The following NTN1 variants were observed in gnomAD, a reference collection of about 807,000 sequenced individuals.
The protein encoded by NTN1 is netrin-1.
NTN1 carries 11 observed loss-of-function variants against 54.2 expected under a neutral mutation model. The ratio of observed to expected loss-of-function variants is 0.20; its 90% CI spans 0.13 to 0.34. The LOEUF is 0.34. Among genes scored for constraint, NTN1 ranks in the 10% least tolerant of loss-of-function variants. The pLI is 1.00. For synonymous variants in NTN1, 371 were observed against 382.0 expected (o/e 0.97, Z 0.33); for missense variants, 740 against 893.1 (o/e 0.83, Z 2.18).
At chr17:9,027,392 C>T (rs2091874719) in intron 2 of NTN1, among the ~76,000 whole-genome samples, 2 of 152,112 alleles carry the variant, frequency 1.3e-5, no homozygotes, top group Admixed American at 6.5e-5. Context: ...AAACCATGGC[C>T]TAGAGACATT....
At chr17:9,049,559 T>G (rs1191697978) in intron 2 of NTN1, among the ~76,000 whole-genome samples, 1 of 152,244 alleles carries the variant, frequency 6.6e-6, no homozygotes, top group African/African-American at 2.4e-5. Context: ...CTAACCTGAA[T>G]TTAATTTTGA....
At chr17:9,148,440 TA>T (rs113551899) in intron 2 of NTN1, among the ~76,000 whole-genome samples, 4,490 of 151,950 alleles carry the variant, frequency 0.03, 97 homozygotes, top group African/African-American at 0.066. Context: ...TGGCTGTTGA[TA>T]AAAAAAACCG....
intron 2 of NTN1, among the ~76,000 whole-genome samples, chr17:9,093,627 A>G (rs1169860439): frequency 2.0e-5 from 3 of 152,234 alleles, no homozygotes; most frequent in Non-Finnish European, 4.4e-5. Context: ...CTCAAAGTGT[A>G]GGATTACAGG....
At chr17:9,187,198 G>C (rs2092435950) in intron 5 of NTN1, among the ~76,000 whole-genome samples, 1 of 152,180 alleles carries the variant, frequency 6.6e-6, no homozygotes, top group Admixed American at 6.5e-5. Context: ...AGAAAGGCGG[G>C]ATTGGGGTGG....
At chr17:9,029,731 C>T (rs1306434148) in intron 2 of NTN1, among the ~76,000 whole-genome samples, 5 of 152,196 alleles carry the variant, frequency 3.3e-5, no homozygotes, top group Admixed American at 2.6e-4. Flanking sequence ...CGGTGGCTCA[C>T]GCCTGTAATC....
intron 2 of NTN1, among the ~76,000 whole-genome samples, chr17:9,067,872 C>A (rs757888790): frequency 6.6e-6 from 1 of 152,154 alleles, no homozygotes; most frequent in Non-Finnish European, 1.5e-5. Context: ...GTGCTAGAAG[C>A]CTCTGGTGCA....
chr17:9,028,527 C>T (rs1194185706), intron 2 of NTN1, among the ~76,000 whole-genome samples: 1 of 152,178 alleles, frequency 6.6e-6, no homozygotes, highest in East Asian at 1.9e-4. Context: ...GCCCAGTTTT[C>T]TCTCTGACCT....
At chr17:9,081,113 G>T (rs528722574) in intron 2 of NTN1, among the ~76,000 whole-genome samples, 1 of 152,238 alleles carries the variant, frequency 6.6e-6, no homozygotes, top group East Asian at 1.9e-4. Flanking sequence ...AGTCTTATGC[G>T]ACTGAGCCCT....
At chr17:9,167,142 A>G (rs1303525329) in intron 3 of NTN1, among the ~76,000 whole-genome samples, 2 of 152,158 alleles carry the variant, frequency 1.3e-5, no homozygotes, top group Non-Finnish European at 1.5e-5. Context: ...CAGCACTGGG[A>G]CGGCCTCGTT....
At chr17:9,099,493 CCA>C (rs1287093367) in intron 2 of NTN1, among the ~76,000 whole-genome samples, 3 of 152,120 alleles carry the variant, frequency 2.0e-5, no homozygotes, top group Non-Finnish European at 2.9e-5. Context: ...TCAGCTATTT[CCA>C]GTTTTTTTCC....
intron 2 of NTN1, among the ~76,000 whole-genome samples, chr17:9,082,376 T>A (rs867978520): frequency 5.9e-5 from 9 of 152,360 alleles, no homozygotes; most frequent in Middle Eastern, 3.4e-3. Flanking sequence ...CTTGTATTTT[T>A]AAAAATAATT....
chr17:9,099,641 TG>T lies in NTN1; in HGVS notation c.1019-63170del, dbSNP rs201117088. On this transcript the variant is annotated intron_variant, in intron 2 of 6. Coordinates refer to ENST00000173229, the MANE Select transcript of NTN1 (RefSeq NM_004822.3). ...TTATAATTTCCTCATAATAAATTCC[TG>T]GAGGTAAAATGTCTGTTCAAAAGAT... 7.8e-3 allele frequency among the ~76,000 whole-genome samples: 1,191 copies of T among 152,322 alleles called. 17 individuals carry two copies. Among genetic ancestry groups the T allele is most frequent in the African/African-American group, 0.027 (1,111 of 41,578 alleles).
At chr17:9,152,080 C>A (rs1387439393) in intron 2 of NTN1, among the ~76,000 whole-genome samples, 2 of 152,172 alleles carry the variant, frequency 1.3e-5, no homozygotes, top group African/African-American at 4.8e-5. Flanking sequence ...GCAATCCACT[C>A]GGGTCACCTT....
intron 2 of NTN1, among the ~76,000 whole-genome samples, chr17:9,039,044 T>TTATTAAATG (rs1222621609): frequency 1.3e-5 from 2 of 152,250 alleles, no homozygotes; most frequent in African/African-American, 4.8e-5. Flanking sequence ...GATGCCATAT[T>TTATTAAATG]TATTAAATGC....
In NTN1 at chr17:9,194,247, T is replaced by A. The variant is rs1597531134; in HGVS notation, c.1411+11278T>A. ...CCAGACTCTGTCTCAAAAAAAAAAA[T>A]TATGCAATGTTGTGATATATGAAGG... is the stretch of plus-strand genomic sequence containing the variant. On this transcript the variant is annotated intron_variant, in intron 5 of 6. Transcript: ENST00000173229. 2.0e-5 allele frequency among the ~76,000 whole-genome samples: 3 copies of A among 151,038 alleles called. 1 individual carries two copies. Among genetic ancestry groups the A allele is most frequent in the African/African-American group, 4.9e-5 (2 of 41,232 alleles).
chr17:9,200,586 G>A (rs560758503), intron 5 of NTN1, among the ~76,000 whole-genome samples: 1 of 152,318 alleles, frequency 6.6e-6, no homozygotes, highest in Non-Finnish European at 1.5e-5. Flanking sequence ...GGGATTTCTT[G>A]TTCAGCCAGG....
intron 6 of NTN1, among the ~76,000 whole-genome samples, chr17:9,225,624 C>A (rs1057104117): frequency 6.6e-6 from 1 of 152,140 alleles, no homozygotes; most frequent in African/African-American, 2.4e-5. Context: ...CCCACACAGA[C>A]TTGGGCCAGC....
At position 9,212,455 on chromosome 17, in the gene NTN1, G is replaced by T. The variant is rs1168626865; in HGVS notation, c.1412-8713G>T. Reference sequence around the variant, plus strand: ...CGCGGAGATTCCATGCAGCTTTCTGGTTCTAGATCAGGCAGCACCAAACAT... The same window carrying T: ...CGCGGAGATTCCATGCAGCTTTCTGTTTCTAGATCAGGCAGCACCAAACAT... On this transcript the variant is annotated intron_variant, in intron 5 of 6. Coordinates refer to ENST00000173229, the MANE Select transcript of NTN1 (RefSeq NM_004822.3). The surrounding 1 kb of genome is among the most constrained non-coding windows in gnomAD (Gnocchi z 5.5). Among the ~76,000 whole-genome samples, 1 of 152,208 alleles carries T rather than the reference G, an allele frequency of 6.6e-6. No individual in the cohort carries two copies. Among genetic ancestry groups the T allele is most frequent in the Admixed American group, 6.5e-5 (1 of 15,286 alleles).
intron 5 of NTN1, among the ~76,000 whole-genome samples, chr17:9,204,627 C>G (rs1168006702): frequency 2.0e-5 from 3 of 152,182 alleles, no homozygotes; most frequent in African/African-American, 7.2e-5. Flanking sequence ...TGGCCTGCGT[C>G]CAGTCTATCA....
Sources: gnomAD v4.1 joint callset for allele counts (sites outside exome capture counted in the v4.1 genomes callset) on GRCh38, gnomAD v4.1.1 for gene constraint, Gnocchi (gnomAD v3.1) non-coding constraint, MANE v1.5 for transcripts, NCBI Gene and HGNC (gene_info 2026-07-23, HGNC 2026-07-21) for gene names.